SPOCK3: variants seen among roughly 807,000 people sequenced by gnomAD.
The protein encoded by SPOCK3 is testican-3.
In SPOCK3, 30 loss-of-function variants were observed where a neutral mutation model predicts 56.6. That is an observed-to-expected ratio of 0.53 (90% CI 0.40 to 0.72). The LOEUF is 0.72. SPOCK3 is among the 30% of genes least tolerant of loss of function. The pLI is 0.00. For missense variants in SPOCK3, 527 were observed against 530.0 expected (o/e 0.99, Z 0.06); for synonymous variants, 196 against 183.3 (o/e 1.07, Z -0.56).
Position 166,792,203 on chromosome 4 carries a change from T to G in SPOCK3, c.676A>C (p.Lys226Gln). The G allele has an allele frequency of 6.2e-7, 1 of 1,613,954 alleles. No homozygotes were observed. The highest frequency in any genetic ancestry group is 8.5e-7 in the Non-Finnish European group (1 of 1,179,880). The change falls in exon 7 of 11, where the codon AAG becomes CAG. Residue 226 changes from lysine to glutamine, a missense_variant. Transcript: ENST00000357545. Reference protein sequence around the residue: ...ALHESGSQNKKTKTLLRPERS... With the variant: ...ALHESGSQNKQTKTLLRPERS... ...TCAGGCCTCAGCAATGTTTTTGTCT[T>G]CTTGTTTTGACTTCCACTTTCATGA... is the stretch of plus-strand genomic sequence containing the variant.
At chr4:167,052,975 G>C (rs925567665) in intron 3 of SPOCK3, among the ~76,000 whole-genome samples, 1 of 152,106 alleles carries the variant, frequency 6.6e-6, no homozygotes, top group African/African-American at 2.4e-5. Flanking sequence ...ACTATGAACA[G>C]CTCTGTTCAC....
At chr4:166,934,205 T>G (rs576403891) in intron 4 of SPOCK3, among the ~76,000 whole-genome samples, 675 of 151,738 alleles carry the variant, frequency 4.4e-3, no homozygotes, top group Non-Finnish European at 6.9e-3. Flanking sequence ...AAAATAAAAG[T>G]CACGGCCGGG....
chr4:166,768,813 T>A (rs551413102), intron 7 of SPOCK3, among the ~76,000 whole-genome samples: 20 of 152,312 alleles, frequency 1.3e-4, no homozygotes, highest in African/African-American at 4.6e-4. Context: ...CCCCATCACT[T>A]TCAGGTACAC....
At chr4:166,847,647 T>TTATACTAGTTTATATATATATATATA (rs1748206664) in intron 6 of SPOCK3, among the ~76,000 whole-genome samples, 1 of 55,368 alleles carries the variant, frequency 1.8e-5, no homozygotes, top group Non-Finnish European at 4.1e-5. Flanking sequence ...AAATCCTAGT[T>TTATACTAGTTTATATATATATATATA]TATATATATA....
At chr4:166,792,047 T>C in intron 7 of SPOCK3, 123 bp downstream of exon 7, 1 of 1,117,124 alleles carries the variant, frequency 9.0e-7, no homozygotes, top group Non-Finnish European at 1.3e-6. Flanking sequence ...AATAACGTTC[T>C]GATTTTTATT....
chr4:166,995,043 C>A (rs1748203566), intron 4 of SPOCK3, among the ~76,000 whole-genome samples: 1 of 152,022 alleles, frequency 6.6e-6, no homozygotes, highest in African/African-American at 2.4e-5. Flanking sequence ...TTATAAGTAA[C>A]ATAAGACAAT....
At chr4:166,966,104 C>T (rs570120126) in intron 4 of SPOCK3, among the ~76,000 whole-genome samples, 1 of 152,110 alleles carries the variant, frequency 6.6e-6, no homozygotes, top group South Asian at 2.1e-4. Flanking sequence ...ATGTATGTAG[C>T]TTAGCTTCTT....
Position 167,002,105 on chromosome 4 carries a change from C to A in SPOCK3, c.236-1642G>T, listed in dbSNP as rs548856297. On this transcript the variant is annotated intron_variant, in intron 3 of 10. Coordinates refer to ENST00000357545, the MANE Select transcript of SPOCK3 (RefSeq NM_001040159.2). ...TCCCAAGTTGCTGGGACTACAGGCG[C>A]CCACCACCATGCCCAGATAATTTTT... 2.0e-5 allele frequency among the ~76,000 whole-genome samples: 3 copies of A among 151,922 alleles called. No homozygotes were observed. In the South Asian group the frequency reaches 6.3e-4, roughly 32 times the overall value.
intron 3 of SPOCK3, among the ~76,000 whole-genome samples, chr4:167,017,445 G>A (rs2150155562): frequency 6.6e-6 from 1 of 152,214 alleles, no homozygotes; most frequent in Admixed American, 6.5e-5. Context: ...TCTCCAGACT[G>A]AAGTGATCTT....
At chr4:166,967,989 G>A (rs562111324) in intron 4 of SPOCK3, among the ~76,000 whole-genome samples, 2 of 152,298 alleles carry the variant, frequency 1.3e-5, no homozygotes, top group South Asian at 4.1e-4. Flanking sequence ...GATCACTCTT[G>A]CTGTGCTTTA....
At position 166,912,687 on chromosome 4, in the gene SPOCK3, C is replaced by A. The variant is rs1737412953; in HGVS notation, c.407G>T (p.Cys136Phe). Residue 136 changes from cysteine (C) to phenylalanine (F), a missense_variant, in exon 5 of 11, where the codon TGC becomes TTC. Physicochemically the swap from Cys to Phe is radical, Grantham distance 205 (BLOSUM62 -2). Transcript: ENST00000357545. ...RQWRGPILST[C>F]KQCPVVYPSP... The stretch of plus-strand genomic sequence containing the variant: ...GGGATAGACCACTGGGCACTGCTTG[C>A]AGGTGGATAATATGGGACCCCTCCA... 5 of 1,613,354 alleles carry A rather than the reference C, an allele frequency of 3.1e-6. No individual in the cohort carries two copies. Among genetic ancestry groups the A allele is most frequent in the Non-Finnish European group, 1.7e-6 (2 of 1,179,688 alleles).
intron 2 of SPOCK3, among the ~76,000 whole-genome samples, chr4:167,104,937 A>G (rs1258925373): frequency 6.6e-6 from 1 of 152,064 alleles, no homozygotes; most frequent in Non-Finnish European, 1.5e-5. Context: ...GCAGCATGAC[A>G]TACTTAAAGT....
At chr4:167,197,666 T>G (rs1446918379) in intron 2 of SPOCK3, among the ~76,000 whole-genome samples, 2 of 151,870 alleles carry the variant, frequency 1.3e-5, no homozygotes, top group Non-Finnish European at 2.9e-5. Flanking sequence ...AAAGTTAAAA[T>G]AATTAAGAAA....
chr4:167,022,815 T>C (rs537644191), intron 3 of SPOCK3, among the ~76,000 whole-genome samples: 3 of 152,044 alleles, frequency 2.0e-5, no homozygotes, highest in African/African-American at 4.8e-5. Context: ...GTTATGGACA[T>C]GGGAAGAACA....
chr4:167,139,587 T>A (rs530377162), intron 2 of SPOCK3, among the ~76,000 whole-genome samples: 22 of 152,174 alleles, frequency 1.4e-4, no homozygotes, highest in Admixed American at 1.3e-3. Flanking sequence ...CTTTTATTTC[T>A]CTTTAAATGT....
At chr4:167,094,175 T>A (rs1758944461) in intron 2 of SPOCK3, among the ~76,000 whole-genome samples, 1 of 152,056 alleles carries the variant, frequency 6.6e-6, no homozygotes. Flanking sequence ...TTATTAAAAT[T>A]AAAAATACAA....
rs560155714 is a variant in SPOCK3 at position 166,933,896 on chromosome 4, G to A, written c.351-21153C>T. 2.6e-5 allele frequency among the ~76,000 whole-genome samples: 4 copies of A among 152,194 alleles called. No homozygotes were observed. The East Asian group carries it at 7.7e-4, about 29-fold the overall frequency. On this transcript the variant is annotated intron_variant, in intron 4 of 10. Transcript: ENST00000357545. Reference sequence around the variant, plus strand: ...CTGGGTCCAGCCATGTTGCCCCATGGGACTAGGAACAAGAGGAGTGAATAA... The same window carrying A: ...CTGGGTCCAGCCATGTTGCCCCATGAGACTAGGAACAAGAGGAGTGAATAA...
chr4:167,021,892 T>C (rs899557788), intron 3 of SPOCK3, among the ~76,000 whole-genome samples: 15 of 152,078 alleles, frequency 9.9e-5, no homozygotes, highest in African/African-American at 2.2e-4. Flanking sequence ...TAAAGGTTTT[T>C]GGACCCCAAT....
At chr4:167,219,335 C>A (rs1735671869) in intron 2 of SPOCK3, among the ~76,000 whole-genome samples, 1 of 152,154 alleles carries the variant, frequency 6.6e-6, no homozygotes, top group Admixed American at 6.5e-5. Flanking sequence ...AGGCAATTAG[C>A]AAGCTCGTAT....
Sources: allele counts gnomAD v4.1 joint callset (sites outside exome capture counted in the v4.1 genomes callset), GRCh38; gene constraint gnomAD v4.1.1; transcripts MANE v1.5; gene names NCBI Gene and HGNC (gene_info 2026-07-23, HGNC 2026-07-21).